Variants in FN1 observed in about 807,000 individuals in gnomAD.
FN1 encodes the protein fibronectin 1.
A neutral mutation model predicts 297.3 loss-of-function variants in FN1; 106 were observed. The ratio of observed to expected loss-of-function variants is 0.36; its 90% CI spans 0.30 to 0.42. The LOEUF is 0.42. Among genes scored for constraint, FN1 ranks in the 10% least tolerant of loss-of-function variants. The probability of loss-of-function intolerance (pLI) is 1.00; values close to 1 mark genes in which losing one functional copy is unlikely to be tolerated. For synonymous variants in FN1, 1,149 were observed against 1,152.6 expected, an observed-to-expected ratio of 1.00 and a Z score of 0.06; for missense variants, 2,690 against 3,124.9, an observed-to-expected ratio of 0.86 and a Z score of 3.32.
chr2:215,376,041 G>A (rs770508409), intron 36 of FN1, among the ~76,000 whole-genome samples: 2 of 152,136 alleles, frequency 1.3e-5, no homozygotes, highest in Non-Finnish European at 2.9e-5. Flanking sequence ...TAATCAGATG[G>A]TCAATAGTTG....
intron 30 of FN1, 131 bp downstream of exon 30, chr2:215,383,889 T>C: frequency 1.0e-6 from 1 of 977,264 alleles, no homozygotes; most frequent in Non-Finnish European, 1.6e-6. Flanking sequence ...TCGCTGCAGG[T>C]GCTAGCTGCA....
intron 12 of FN1, among the ~76,000 whole-genome samples, chr2:215,415,782 G>C (rs2063351952): frequency 6.6e-6 from 1 of 152,014 alleles, no homozygotes; most frequent in Non-Finnish European, 1.5e-5. Flanking sequence ...GAAAATAAGG[G>C]AAGTAGCATC....
rs55953250 is a variant in FN1 at position 215,361,861 on chromosome 2, G to GTT, written c.7362+106_7362+107dup. On this transcript the variant is annotated intron_variant, in intron 45 of 45. Transcript: ENST00000354785. ...GTTTCACTTAAGTCATTTATGAGTT[G>GTT]TTTTTTTTTTTAATTAATTAAAACA... is the stretch of plus-strand genomic sequence containing the variant. 1,398 of 1,131,334 alleles carry GTT rather than the reference G, an allele frequency of 1.2e-3. 6 individuals carry two copies. In the African/African-American group the frequency reaches 0.019, roughly 15 times the overall value. The allele number at this position is 1,131,334 out of a possible 1,614,324, so 70.1% of individuals were successfully genotyped here.
Position 215,370,303 on chromosome 2 carries a change from C to T in FN1, c.6844G>A (p.Gly2282Ser). 1 of 1,613,954 alleles carries T rather than the reference C, an allele frequency of 6.2e-7. No homozygotes were observed. The highest frequency in any genetic ancestry group is 1.3e-5 in the African/African-American group (1 of 74,930). Residue 2282 changes from glycine (G) to serine (S), a missense_variant, in exon 41 of 46, where the codon GGC (glycine) becomes AGC (serine). Gly to Ser is a moderately conservative substitution (Grantham distance 56). Transcript: ENST00000354785. ...GTACGTGTTTACATACCAGAGTTGCCCACGGTAACAACCTCTTCCCGAACC... is the reference window on the plus strand; with the variant it reads ...GTACGTGTTTACATACCAGAGTTGCTCACGGTAACAACCTCTTCCCGAACC... ...HKVREEVVTV[G>S]NSVNEGLNQP... is the part of the protein sequence containing the mutation.
At chr2:215,388,672 C>T (rs1431035832) in intron 26 of FN1, among the ~76,000 whole-genome samples, 2 of 152,188 alleles carry the variant, frequency 1.3e-5, no homozygotes, top group African/African-American at 4.8e-5. Flanking sequence ...GCCATTTATG[C>T]CTCACAACAA....
At chr2:215,424,012 C>G in intron 8 of FN1, 134 bp downstream of exon 8, 1 of 890,870 alleles carries the variant, frequency 1.1e-6, no homozygotes. Context: ...GCGCTGCGAT[C>G]TCTTGAGTCC....
rs199877594 is a variant in FN1, at chr2:215,370,443, C to T, written c.6715-11G>A. 78 of 1,610,404 alleles carry T rather than the reference C, an allele frequency of 4.8e-5. No homozygotes were observed. The highest frequency in any genetic ancestry group is 1.2e-4 in the African/African-American group (9 of 74,612). On this transcript the variant is annotated splice_polypyrimidine_tract_variant and intron_variant, in intron 40 of 45. Coordinates refer to ENST00000354785, the MANE Select transcript of FN1 (RefSeq NM_212482.4). ...TCCAGGAACCCTGAACTGCAATTAT[C>T]GGTACATCCAAAGCAGAGAGAAAGC...
intron 40 of FN1, 96 bp from the exon 41 acceptor site, chr2:215,370,528 A>C: frequency 6.7e-6 from 6 of 901,010 alleles, no homozygotes; most frequent in Non-Finnish European, 6.7e-6. Flanking sequence ...GTTTAAACAA[A>C]GCAAAGGAAG....
chr2:215,411,527 GGTTA>G (rs1338809492), intron 13 of FN1, among the ~76,000 whole-genome samples: 5 of 152,046 alleles, frequency 3.3e-5, no homozygotes, highest in Non-Finnish European at 7.4e-5. Context: ...GAGCTTGTTT[GGTTA>G]GTTATTACAA....
chr2:215,372,614 A>G (rs992667315), intron 39 of FN1: 6 of 553,942 alleles, frequency 1.1e-5, no homozygotes, highest in Non-Finnish European at 1.9e-5. Flanking sequence ...TATCATACAC[A>G]CAGCTTTAAA....
At chr2:215,414,060 T>C (rs952805812) in intron 13 of FN1, among the ~76,000 whole-genome samples, 1 of 152,246 alleles carries the variant, frequency 6.6e-6, no homozygotes, top group Non-Finnish European at 1.5e-5. Context: ...AAATTTTGTT[T>C]GTTTGTTTCT....
chr2:215,432,778 G>A (rs1012532363), intron 3 of FN1, among the ~76,000 whole-genome samples: 1 of 152,110 alleles, frequency 6.6e-6, no homozygotes, highest in Admixed American at 6.5e-5. Flanking sequence ...AACTCTATTG[G>A]GTTAATAATT....
chr2:215,361,398 G>A lies in FN1; in HGVS notation c.*157C>T, dbSNP rs1249849047. On this transcript the variant is annotated 3_prime_UTR_variant, in exon 46 of 46. Transcript: ENST00000354785. Reference sequence around the variant, plus strand: ...TCAGGAAACTCCCAGGGTGATGCTTGGAGAAGCTGTGAGTTGAGCTGAAGC... The same window carrying A: ...TCAGGAAACTCCCAGGGTGATGCTTAGAGAAGCTGTGAGTTGAGCTGAAGC... 1 of 741,462 alleles carries A rather than the reference G, an allele frequency of 1.3e-6. No individual in the cohort carries two copies. Among genetic ancestry groups the A allele is most frequent in the Non-Finnish European group, 2.5e-6 (1 of 400,988 alleles). 45.9% of individuals were successfully genotyped at this position (741,462 alleles called of 1,614,324 possible).
In FN1 at chr2:215,377,081, A is replaced by AGAGT. The variant is rs939001303; in HGVS notation, c.5711-408_5711-407insACTC. The stretch of plus-strand genomic sequence containing the variant: ...GTATGTGTGTGTGAGAGAGAGAGAG[A>AGAGT]GTGTGTGTGTGTGTGTGTGTGTGTG... On this transcript the variant is annotated intron_variant, in intron 35 of 45. Transcript: ENST00000354785. Among the ~76,000 whole-genome samples, 718 of 147,434 alleles carry AGAGT rather than the reference A, an allele frequency of 4.9e-3. 6 individuals are homozygous for AGAGT. Among genetic ancestry groups the AGAGT allele is most frequent in the African/African-American group, 0.016 (657 of 40,338 alleles).
At chr2:215,371,216 C>T (rs2056006719) in intron 40 of FN1, among the ~76,000 whole-genome samples, 1 of 151,452 alleles carries the variant, frequency 6.6e-6, no homozygotes, top group South Asian at 2.1e-4. Context: ...TGCAGTGAGC[C>T]GAGATCACGC....
In FN1 at chr2:215,425,112, C is replaced by T; in HGVS notation, c.1018G>A (p.Val340Ile). 1.2e-6 allele frequency: 2 copies of T among 1,614,230 alleles called. No homozygotes were observed. The highest frequency in any genetic ancestry group is 1.7e-6 in the Non-Finnish European group (2 of 1,180,034). ...QMLCTCLGNG[V>I]SCQETAVTQT... ...TGCATACCTGTCTCTTGGCAGCTGA[C>T]TCCGTTGCCCAGGCACGTGCAAAGC... The change falls in exon 7 of 46, where the codon GTC becomes ATC. Residue 340 changes from valine to isoleucine, a missense_variant. This residue lies in a region of FN1 where 876 missense variants were observed against 1,058.1 expected (regional missense o/e 0.83). Transcript: ENST00000354785.
intron 24 of FN1, chr2:215,393,418 C>A (rs544459740): frequency 3.2e-3 from 955 of 301,248 alleles, no homozygotes; most frequent in Non-Finnish European, 4.4e-3. Context: ...CAGGAATATT[C>A]TTTTAGGGAA....
chr2:215,416,658 T>C (rs1283794247), intron 12 of FN1, among the ~76,000 whole-genome samples: 2 of 152,210 alleles, frequency 1.3e-5, no homozygotes, highest in Admixed American at 6.5e-5. Context: ...GTCTTGTCAA[T>C]CATGATTTTG....
rs1290217771 is a variant in FN1, at chr2:215,364,866, C to T, written c.7251+13G>A. ...TATCTAACTTGTAGGGAGCCTGGCA[C>T]ATCCAGTCTTACCCGCTGGCCTCCA... On this transcript the variant is annotated intron_variant, in intron 44 of 45. Coordinates refer to ENST00000354785, the MANE Select transcript of FN1 (RefSeq NM_212482.4). 2 of 1,530,094 alleles carry T rather than the reference C, an allele frequency of 1.3e-6. No homozygotes were observed. The highest frequency in any genetic ancestry group is 8.9e-7 in the Non-Finnish European group (1 of 1,128,828). 94.8% of individuals were successfully genotyped at this position (1,530,094 alleles called of 1,614,324 possible).
Sources: gnomAD v4.1 joint callset for allele counts (sites outside exome capture counted in the v4.1 genomes callset) on GRCh38, gnomAD v4.1.1 for gene constraint, gnomAD v4.1.1 regional missense constraint, MANE v1.5 for transcripts, NCBI Gene and HGNC (gene_info 2026-07-23, HGNC 2026-07-21) for gene names.